WDR62: variants seen among roughly 807,000 people sequenced by gnomAD.
WDR62 encodes WD repeat domain 62.
In WDR62, 112 loss-of-function variants were observed where a neutral mutation model predicts 160.6. The ratio of observed to expected loss-of-function variants is 0.70; its 90% CI spans 0.60 to 0.82. WDR62 has a LOEUF of 0.82. Among genes scored for constraint, WDR62 ranks in the 40% least tolerant of loss-of-function variants. WDR62 has a pLI of 0.00. For synonymous variants in WDR62, 792 were observed against 815.1 expected, an observed-to-expected ratio of 0.97 and a Z score of 0.48; for missense variants, 1,819 against 1,983.8, an observed-to-expected ratio of 0.92 and a Z score of 1.58.
rs546800810 is a variant in WDR62, at chr19:36,083,333, C to G, written c.1550+92C>G. 2.3e-5 allele frequency: 30 copies of G among 1,290,320 alleles called. No homozygotes were observed. In the African/African-American group the frequency reaches 3.5e-4, roughly 15 times the overall value. 79.9% of individuals were successfully genotyped at this position (1,290,320 alleles called of 1,614,324 possible). On this transcript the variant is annotated intron_variant, in intron 11 of 31. Transcript: ENST00000401500. ...GCAGAAGCCCTGGCCTTGGCACCTC[C>G]TGCTGCCCATTGGGAATGAGGGGCT... is the stretch of plus-strand genomic sequence containing the variant.
intron 3 of WDR62, chr19:36,060,745 C>G (rs1382269518): frequency 6.5e-6 from 1 of 152,704 alleles, no homozygotes; most frequent in Admixed American, 6.5e-5. Flanking sequence ...GATATGCTGT[C>G]CAGTTTCCTC....
At chr19:36,057,973 C>T (rs989681002) in intron 1 of WDR62, among the ~76,000 whole-genome samples, 1 of 152,148 alleles carries the variant, frequency 6.6e-6, no homozygotes, top group Non-Finnish European at 1.5e-5. Context: ...GATCTTGGGC[C>T]TCAGACTTCT....
chr19:36,057,703 GAC>G (rs1339139776), intron 1 of WDR62, among the ~76,000 whole-genome samples: 1 of 151,764 alleles, frequency 6.6e-6, no homozygotes. Context: ...TTTTAGTAGA[GAC>G]AGGGTTTCGC....
intron 12 of WDR62, among the ~76,000 whole-genome samples, chr19:36,085,303 A>G (rs545744289): frequency 6.8e-6 from 1 of 147,284 alleles, no homozygotes; most frequent in East Asian, 2.1e-4. Flanking sequence ...TTTAGTAGAG[A>G]TGGGGTTTCA....
rs763667588 is a variant in WDR62 at position 36,066,369 on chromosome 19, A to G, written c.503A>G (p.Lys168Arg). Residue 168 changes from lysine to arginine, a missense_variant, in exon 5 of 32, where the codon AAG becomes AGG. Lys to Arg is a conservative substitution (Grantham distance 26). Around this residue, in one of 3 missense-constraint regions of WDR62, gnomAD observed 934 missense variants for 1,157.2 expected, o/e 0.81. Transcript: ENST00000401500. ...VACVAFSPNM[K>R]HIVSMGYQHD... ...TGTGTGGCCTTCTCACCCAATATGAAGCACATCGTGTCCATGGGCTACCAA... is the reference window on the plus strand; with the variant it reads ...TGTGTGGCCTTCTCACCCAATATGAGGCACATCGTGTCCATGGGCTACCAA... The G allele has an allele frequency of 6.2e-7, 1 of 1,613,658 alleles. No homozygotes were observed. The highest frequency in any genetic ancestry group is 1.7e-5 in the Admixed American group (1 of 59,926).
chr19:36,110,742 A>AGG, the WDR62 span, among the ~76,000 whole-genome samples: 3 of 152,154 alleles, frequency 2.0e-5, no homozygotes, highest in African/African-American at 7.2e-5. Flanking sequence ...CCTACAGAGC[A>AGG]GGGCAATCAC....
downstream of WDR62, among the ~76,000 whole-genome samples, chr19:36,105,761 C>T (rs1176676313): frequency 2.6e-5 from 4 of 152,080 alleles, no homozygotes; most frequent in South Asian, 2.1e-4. Context: ...TGCAGTGGTG[C>T]GATCTTGGCT....
In WDR62 at chr19:36,063,150, G is replaced by A. The variant is rs555441689; in HGVS notation, c.333-2808G>A. Among the ~76,000 whole-genome samples the A allele has an allele frequency of 8.2e-4, 125 of 152,262 alleles. 1 individual carries two copies. The highest frequency in any genetic ancestry group is 1.4e-3 in the Non-Finnish European group (97 of 68,020). On this transcript the variant is annotated intron_variant, in intron 3 of 31. Transcript: ENST00000401500. ...AGTAGAGCTGGGGTTTCCCCATGTTGGCCAGGATGGTCTCGATCTCCTGAC... is the reference window on the plus strand; with the variant it reads ...AGTAGAGCTGGGGTTTCCCCATGTTAGCCAGGATGGTCTCGATCTCCTGAC...
At chr19:36,078,074 G>C (rs1971678124) in intron 9 of WDR62, among the ~76,000 whole-genome samples, 2 of 151,962 alleles carry the variant, frequency 1.3e-5, no homozygotes, top group Admixed American at 6.6e-5. Flanking sequence ...GTTATCAGTT[G>C]ACGGCCACTT....
intron 9 of WDR62, chr19:36,075,995 C>T (rs1033722031): frequency 6.6e-6 from 1 of 152,116 alleles, no homozygotes; most frequent in East Asian, 1.9e-4. Flanking sequence ...CTAAAGGTAA[C>T]TAGTTTTATT....
rs75630383 is a variant in WDR62, at chr19:36,101,101, G to A, written c.2868-113G>A. On this transcript the variant is annotated intron_variant, in intron 23 of 31. Coordinates refer to ENST00000401500, the MANE Select transcript of WDR62 (RefSeq NM_001083961.2). ...ATTTGGAGGAGGCGGGGAGGCTGTC[G>A]CAGTGCTCCTGCAGGAGCAGCGGGT... 4.5e-3 allele frequency: 5,335 copies of A among 1,189,716 alleles called. 177 individuals are homozygous for A. The African/African-American group carries it at 0.072, about 16-fold the overall frequency. The allele number at this position is 1,189,716 out of a possible 1,614,324, so 73.7% of individuals were successfully genotyped here.
downstream of WDR62, among the ~76,000 whole-genome samples, chr19:36,110,054 CA>C (rs922901152): frequency 2.4e-3 from 336 of 141,938 alleles, 2 homozygotes; most frequent in Middle Eastern, 7.4e-3. Flanking sequence ...AACTCCGCCT[CA>C]AAAAAAAAAA....
chr19:36,083,179 G>T lies in WDR62; in HGVS notation c.1488G>T (p.Arg496=), dbSNP rs1972004431. 6.2e-7 allele frequency: 1 copy of T among 1,611,720 alleles called. No homozygotes were observed. Among genetic ancestry groups the T allele is most frequent in the Non-Finnish European group, 8.5e-7 (1 of 1,178,834 alleles). ...CCATGGACGTGAAAGCCGGGGTGCG[G>T]GTCATGCAGGTCAGTCCTGACGGCC... is the stretch of plus-strand genomic sequence containing the variant. ...GTPMDVKAGV[R]VMQVSPDGQH... Residue 496 remains arginine, a synonymous_variant, in exon 11 of 32, where the codon CGG becomes CGT. Coordinates refer to ENST00000401500, the MANE Select transcript of WDR62 (RefSeq NM_001083961.2).
chr19:36,071,537 G>T lies in WDR62; in HGVS notation c.883-19G>T. Reference sequence around the variant, plus strand: ...CACGTGAAGCACCAAATCCACTGGGGTCCCTTTTGCCCCTACAGGTCTCCC... The same window carrying T: ...CACGTGAAGCACCAAATCCACTGGGTTCCCTTTTGCCCCTACAGGTCTCCC... On this transcript the variant is annotated intron_variant, in intron 7 of 31. Transcript: ENST00000401500. 1 of 1,614,206 alleles carries T rather than the reference G, an allele frequency of 6.2e-7. No individual in the cohort carries two copies. The highest frequency in any genetic ancestry group is 8.5e-7 in the Non-Finnish European group (1 of 1,180,034).
At chr19:36,066,505 A>G in intron 5 of WDR62, 78 bp downstream of exon 5, 2 of 1,502,780 alleles carry the variant, frequency 1.3e-6, no homozygotes, top group Non-Finnish European at 1.8e-6. Context: ...GGAGAGCTAC[A>G]TGAGAGGACG....
At chr19:36,086,947 A>C (rs1010446353) in intron 13 of WDR62, 135 bp downstream of exon 13, 7 of 1,337,070 alleles carry the variant, frequency 5.2e-6, no homozygotes, top group Non-Finnish European at 7.1e-6. Flanking sequence ...CAGAATAATG[A>C]CTGGGGCCGG....
intron 21 of WDR62, 111 bp downstream of exon 21, chr19:36,097,190 C>A: frequency 9.8e-7 from 1 of 1,024,812 alleles, no homozygotes; most frequent in Non-Finnish European, 1.5e-6. Flanking sequence ...CCTGGAGAAG[C>A]CCTGTCATCC....
rs551221017 is a variant in WDR62 at position 36,073,399 on chromosome 19, C to T, written c.1101C>T (p.Phe367=). The change falls in exon 9 of 32, where the codon TTC becomes TTT. Residue 367 remains phenylalanine (F), a synonymous_variant. Coordinates refer to ENST00000401500, the MANE Select transcript of WDR62 (RefSeq NM_001083961.2). ...AVYPDTVALT[F]DPIHQWLSCV... ...ACCCAGATACAGTGGCACTGACCTTCGACCCCATCCACCAGTGGCTGTCCT... is the reference window on the plus strand; with the variant it reads ...ACCCAGATACAGTGGCACTGACCTTTGACCCCATCCACCAGTGGCTGTCCT... The T allele has an allele frequency of 7.4e-6, 12 of 1,614,160 alleles. No individual in the cohort carries two copies. Among genetic ancestry groups the T allele is most frequent in the Admixed American group, 1.7e-5 (1 of 60,028 alleles).
chr19:36,102,994 T>A lies in WDR62; in HGVS notation c.3382T>A (p.Ser1128Thr), dbSNP rs374017136. The change falls in exon 28 of 32, where the codon TCT becomes ACT. Residue 1128 changes from serine (S) to threonine (T), a missense_variant. Physicochemically the swap from Ser to Thr is moderately conservative, Grantham distance 58. Around this residue, in one of 3 missense-constraint regions of WDR62, gnomAD observed 770 missense variants for 734.2 expected, o/e 1.05. Coordinates refer to ENST00000401500, the MANE Select transcript of WDR62 (RefSeq NM_001083961.2). The stretch of plus-strand genomic sequence containing the variant: ...CCGGGCAACCCAGTGCCTTGTGAAG[T>A]CTCCAGAGGTCAAGCTCATGGACCG... ...PPRATQCLVKSPEVKLMDRGG... is the reference protein window; with the variant it reads ...PPRATQCLVKTPEVKLMDRGG... 7.2e-5 allele frequency: 116 copies of A among 1,613,940 alleles called. No individual in the cohort carries two copies. The highest frequency in any genetic ancestry group is 9.3e-5 in the Non-Finnish European group (110 of 1,180,010).
Sources: allele counts gnomAD v4.1 joint callset (sites outside exome capture counted in the v4.1 genomes callset), GRCh38; gene constraint gnomAD v4.1.1; regional missense constraint gnomAD v4.1.1; transcripts MANE v1.5; gene names NCBI Gene and HGNC (gene_info 2026-07-23, HGNC 2026-07-21).